Variants in LHFPL6 observed in about 807,000 individuals in gnomAD.
LHFPL6 encodes LHFPL tetraspan subfamily member 6, also known as LHFPL tetraspan subfamily member 6 protein.
In LHFPL6, 9 loss-of-function variants were observed where a neutral mutation model predicts 20.6. That is an observed-to-expected ratio of 0.44 (90% CI 0.26 to 0.76). The LOEUF is 0.76. LHFPL6 is among the 30% of genes least tolerant of loss of function. The pLI, the probability that LHFPL6 is intolerant of heterozygous loss-of-function variation, is 0.20. For missense variants in LHFPL6, 218 were observed against 253.5 expected, an observed-to-expected ratio of 0.86 and a Z score of 0.95; for synonymous variants, 105 against 98.7, an observed-to-expected ratio of 1.06 and a Z score of -0.38.
rs954478235 is a variant in LHFPL6 at position 39,576,718 on chromosome 13, C to T, written c.385+24114G>A. ...GGGTGATCATGGCTCACTGCAGCCTCGACTTCCTAGGTTCAAGTGATCCTC... is the reference window on the plus strand; with the variant it reads ...GGGTGATCATGGCTCACTGCAGCCTTGACTTCCTAGGTTCAAGTGATCCTC... On this transcript the variant is annotated intron_variant, in intron 2 of 3. Transcript: ENST00000379589. Among the ~76,000 whole-genome samples, 4 of 152,108 alleles carry T rather than the reference C, an allele frequency of 2.6e-5. No homozygotes were observed. The East Asian group carries it at 5.8e-4, about 22-fold the overall frequency.
intron 2 of LHFPL6, among the ~76,000 whole-genome samples, chr13:39,495,450 T>A (rs1271868578): frequency 6.6e-6 from 1 of 152,190 alleles, no homozygotes; most frequent in Non-Finnish European, 1.5e-5. Flanking sequence ...AGTTCTCAAA[T>A]CATTCATTGA....
chr13:39,498,506 G>T (rs552267362), intron 2 of LHFPL6, among the ~76,000 whole-genome samples: 17 of 152,290 alleles, frequency 1.1e-4, no homozygotes, highest in African/African-American at 3.6e-4. Flanking sequence ...TTCTCGTTCA[G>T]ATTTATTTAA....
intron 2 of LHFPL6, among the ~76,000 whole-genome samples, chr13:39,410,257 C>T (rs1871215409): frequency 6.6e-6 from 1 of 152,226 alleles, no homozygotes; most frequent in Non-Finnish European, 1.5e-5. Flanking sequence ...TTTATGCATT[C>T]ATTTGGCTTT....
chr13:39,472,902 T>A (rs112635590), intron 2 of LHFPL6, among the ~76,000 whole-genome samples: 1 of 152,148 alleles, frequency 6.6e-6, no homozygotes, highest in African/African-American at 2.4e-5. Context: ...TGAGCCACCG[T>A]GCCCGGCCCC....
chr13:39,534,862 C>A (rs1870568121), intron 2 of LHFPL6, among the ~76,000 whole-genome samples: 1 of 152,154 alleles, frequency 6.6e-6, no homozygotes, highest in South Asian at 2.1e-4. Context: ...CTCTCACTAC[C>A]CATTTTATTT....
intron 2 of LHFPL6, among the ~76,000 whole-genome samples, chr13:39,465,942 G>A (rs1872794609): frequency 6.6e-6 from 1 of 151,984 alleles, no homozygotes; most frequent in Non-Finnish European, 1.5e-5. Flanking sequence ...GAGAGGATGG[G>A]TGGCGGCTTC....
chr13:39,427,932 C>T (rs571645841), intron 2 of LHFPL6, among the ~76,000 whole-genome samples: 7 of 152,272 alleles, frequency 4.6e-5, no homozygotes, highest in South Asian at 4.2e-4. Context: ...AGCACCTTCC[C>T]GCTCTCTCTT....
At position 39,598,304 on chromosome 13, in the gene LHFPL6, A is replaced by T. The variant is rs555298953; in HGVS notation, c.385+2528T>A. 6.9e-4 allele frequency among the ~76,000 whole-genome samples: 103 copies of T among 149,906 alleles called. 1 individual carries two copies. Among genetic ancestry groups the T allele is most frequent in the African/African-American group, 2.4e-3 (99 of 40,762 alleles). On this transcript the variant is annotated intron_variant, in intron 2 of 3. Transcript: ENST00000379589. ...TTTTGAAACTTTTTTTTTTTTGGTC[A>T]TCTGGTCTCCATTAAGTAACAGTGA...
chr13:39,582,309 A>C (rs17060324), intron 2 of LHFPL6, among the ~76,000 whole-genome samples: 3,944 of 152,306 alleles, frequency 0.026, 94 homozygotes, highest in African/African-American at 0.061. Flanking sequence ...CATGTCCCAG[A>C]GTCCAGGGTC....
chr13:39,377,871 T>A (rs1870332623), intron 3 of LHFPL6, among the ~76,000 whole-genome samples: 1 of 152,212 alleles, frequency 6.6e-6, no homozygotes, highest in Admixed American at 6.5e-5. Flanking sequence ...GGTCTCCTGA[T>A]GAGCTTTTCC....
chr13:39,368,940 T>C (rs1027793389), intron 3 of LHFPL6, among the ~76,000 whole-genome samples: 4 of 152,160 alleles, frequency 2.6e-5, no homozygotes, highest in African/African-American at 7.2e-5. Flanking sequence ...ATATTTTATA[T>C]ATTCTGGCTG....
At chr13:39,562,002 T>C (rs530190089) in intron 2 of LHFPL6, among the ~76,000 whole-genome samples, 1 of 152,320 alleles carries the variant, frequency 6.6e-6, no homozygotes, top group East Asian at 1.9e-4. Context: ...ATCTTCTAAT[T>C]TCAAGTTCTG....
At chr13:39,495,779 ATTTTTTT>A (rs10558170) in intron 2 of LHFPL6, among the ~76,000 whole-genome samples, 19 of 89,560 alleles carry the variant, frequency 2.1e-4, no homozygotes, top group Admixed American at 1.6e-3. Flanking sequence ...TAACTCAATA[ATTTTTTT>A]TTTTTTTTTT....
At chr13:39,581,728 C>CA (rs1001876977) in intron 2 of LHFPL6, among the ~76,000 whole-genome samples, 3 of 150,802 alleles carry the variant, frequency 2.0e-5, no homozygotes, top group African/African-American at 4.9e-5. Flanking sequence ...AAAAACAAAC[C>CA]AAAAAAAAGT....
intron 2 of LHFPL6, among the ~76,000 whole-genome samples, chr13:39,405,638 G>A (rs1871098105): frequency 6.6e-6 from 1 of 152,158 alleles, no homozygotes; most frequent in South Asian, 2.1e-4. Context: ...ACTGGGGGCA[G>A]GGGACAAGAA....
At chr13:39,373,004 G>A (rs1320142109) in intron 3 of LHFPL6, among the ~76,000 whole-genome samples, 1 of 152,128 alleles carries the variant, frequency 6.6e-6, no homozygotes, top group African/African-American at 2.4e-5. Context: ...ACCACATGCA[G>A]ACTCAAACCC....
intron 2 of LHFPL6, among the ~76,000 whole-genome samples, chr13:39,421,164 G>A (rs1871474974): frequency 6.6e-6 from 1 of 151,982 alleles, no homozygotes; most frequent in Non-Finnish European, 1.5e-5. Context: ...TCCCCTAAAA[G>A]AAAGCCTTCC....
intron 2 of LHFPL6, among the ~76,000 whole-genome samples, chr13:39,428,926 G>A (rs959130980): frequency 4.6e-5 from 7 of 151,760 alleles, no homozygotes; most frequent in African/African-American, 1.5e-4. Context: ...TTTGACTTAC[G>A]GGCTATTTAG....
chr13:39,407,265 C>A (rs1050825618), intron 2 of LHFPL6, among the ~76,000 whole-genome samples: 1 of 152,202 alleles, frequency 6.6e-6, no homozygotes, highest in Non-Finnish European at 1.5e-5. Flanking sequence ...TCTCTCCAAT[C>A]CTTTTATAGA....
Sources: allele counts gnomAD v4.1 joint callset (sites outside exome capture counted in the v4.1 genomes callset), GRCh38; gene constraint gnomAD v4.1.1; transcripts MANE v1.5; gene names NCBI Gene and HGNC (gene_info 2026-07-23, HGNC 2026-07-21).